Variants in TBC1D4 observed in about 807,000 individuals in gnomAD.
TBC1D4 encodes the protein TBC (Tre-2, BUB2, CDC16) domain-containing protein.
TBC1D4 carries 121 observed loss-of-function variants against 142.5 expected under a neutral mutation model. The observed-to-expected ratio is 0.85, with a 90% CI of 0.73 to 0.99. TBC1D4 has a LOEUF of 0.99. TBC1D4 is among the 50% of genes least tolerant of loss of function. The pLI, the probability that TBC1D4 is intolerant of heterozygous loss-of-function variation, is 0.00. For missense variants in TBC1D4, 1,475 were observed against 1,606.6 expected (o/e 0.92, Z 1.40); for synonymous variants, 630 against 628.2 (o/e 1.00, Z -0.04).
intron 1 of TBC1D4, among the ~76,000 whole-genome samples, chr13:75,428,794 T>G (rs1020637929): frequency 3.3e-5 from 5 of 152,214 alleles, no homozygotes; most frequent in African/African-American, 1.2e-4. Context: ...CAGGGCAGAT[T>G]GAGGGTGAAG....
chr13:75,285,589 C>G lies in TBC1D4; in HGVS notation c.*1203G>C, dbSNP rs564080844. 1.5e-4 allele frequency: 23 copies of G among 152,738 alleles called. No homozygotes were observed. The highest frequency in any genetic ancestry group is 5.5e-4 in the African/African-American group (23 of 41,572). 9.5% of individuals were successfully genotyped at this position (152,738 alleles called of 1,614,324 possible). On this transcript the variant is annotated 3_prime_UTR_variant, in exon 21 of 21. Coordinates refer to ENST00000377636, the MANE Select transcript of TBC1D4 (RefSeq NM_014832.5). Reference sequence around the variant, plus strand: ...AGTGAAGAGTTGAAATGCAGAATTGCAGGTTTTAGTTGAGCTGGTAACACT... The same window carrying G: ...AGTGAAGAGTTGAAATGCAGAATTGGAGGTTTTAGTTGAGCTGGTAACACT...
chr13:75,339,471 T>C (rs1371845093), intron 7 of TBC1D4, among the ~76,000 whole-genome samples: 2 of 152,046 alleles, frequency 1.3e-5, no homozygotes, highest in Non-Finnish European at 2.9e-5. Context: ...CTGCCTATCA[T>C]CCCAGCCTTG....
chr13:75,327,057 C>T (rs1431084949), intron 9 of TBC1D4, among the ~76,000 whole-genome samples: 1 of 152,090 alleles, frequency 6.6e-6, no homozygotes, highest in Non-Finnish European at 1.5e-5. Context: ...GAAAACCGAG[C>T]TATGCTGGAA....
chr13:75,357,956 A>G (rs1479875167), intron 3 of TBC1D4, among the ~76,000 whole-genome samples: 1 of 152,080 alleles, frequency 6.6e-6, no homozygotes, highest in Non-Finnish European at 1.5e-5. Context: ...AAGAAATTGT[A>G]TCTGAACTTC....
intron 1 of TBC1D4, among the ~76,000 whole-genome samples, chr13:75,408,385 G>A (rs1885441763): frequency 6.6e-6 from 1 of 151,856 alleles, no homozygotes; most frequent in Non-Finnish European, 1.5e-5. Flanking sequence ...TCCATTTTTT[G>A]GCTATTACGA....
Position 75,286,055 on chromosome 13 carries a change from C to A in TBC1D4, c.*737G>T, listed in dbSNP as rs932317065. The A allele has an allele frequency of 1.3e-5, 2 of 152,630 alleles. No homozygotes were observed. Among genetic ancestry groups the A allele is most frequent in the Non-Finnish European group, 2.9e-5 (2 of 68,042 alleles). The allele number at this position is 152,630 out of a possible 1,614,324, so 9.5% of individuals were successfully genotyped here. Reference sequence around the variant, plus strand: ...GTCTAGTTTGCTAAAAAATTAGCAACATTCTCCTTTACCTTGAGCTGGGTA... The same window carrying A: ...GTCTAGTTTGCTAAAAAATTAGCAAAATTCTCCTTTACCTTGAGCTGGGTA... On this transcript the variant is annotated 3_prime_UTR_variant, in exon 21 of 21. Coordinates refer to ENST00000377636, the MANE Select transcript of TBC1D4 (RefSeq NM_014832.5).
intron 15 of TBC1D4, among the ~76,000 whole-genome samples, chr13:75,304,954 T>A (rs747210923): frequency 1.3e-4 from 20 of 152,152 alleles, no homozygotes; most frequent in Non-Finnish European, 2.6e-4. Flanking sequence ...AGAACAATGG[T>A]ATGGTTTGGC....
chr13:75,313,209 T>C (rs1256645483), intron 12 of TBC1D4, among the ~76,000 whole-genome samples: 4 of 152,244 alleles, frequency 2.6e-5, no homozygotes, highest in Non-Finnish European at 5.9e-5. Context: ...GCTTAAGTCA[T>C]GAATTCATGC....
At chr13:75,315,597 G>A (rs1878255111) in intron 12 of TBC1D4, among the ~76,000 whole-genome samples, 1 of 151,914 alleles carries the variant, frequency 6.6e-6, no homozygotes, top group South Asian at 2.1e-4. Context: ...GCAGTTATTT[G>A]CTAAATGCCC....
intron 8 of TBC1D4, among the ~76,000 whole-genome samples, chr13:75,328,847 A>G (rs959438393): frequency 1.3e-5 from 2 of 152,186 alleles, no homozygotes; most frequent in African/African-American, 4.8e-5. Flanking sequence ...ATTTTTAATC[A>G]AAGTAATATC....
chr13:75,418,277 T>C (rs568009248), intron 1 of TBC1D4, among the ~76,000 whole-genome samples: 1 of 152,122 alleles, frequency 6.6e-6, no homozygotes, highest in Non-Finnish European at 1.5e-5. Context: ...TATTGGGAAA[T>C]AAGAATATAA....
At chr13:75,405,440 C>A (rs1401162848) in intron 1 of TBC1D4, among the ~76,000 whole-genome samples, 1 of 151,794 alleles carries the variant, frequency 6.6e-6, no homozygotes, top group Non-Finnish European at 1.5e-5. Context: ...CAGCTAATTT[C>A]TTTTGTATTT....
At chr13:75,305,583 G>T (rs1056305355) in intron 15 of TBC1D4, among the ~76,000 whole-genome samples, 1 of 152,184 alleles carries the variant, frequency 6.6e-6, no homozygotes, top group Non-Finnish European at 1.5e-5. Context: ...CTTAACTGTG[G>T]CTCAACAGTC....
At chr13:75,372,344 C>T (rs1447099425) in intron 1 of TBC1D4, among the ~76,000 whole-genome samples, 1 of 151,976 alleles carries the variant, frequency 6.6e-6, no homozygotes, top group South Asian at 2.1e-4. Flanking sequence ...TCTCAGCTCA[C>T]TGCAGGCCTC....
Position 75,288,953 on chromosome 13 carries a change from T to C in TBC1D4, c.3644A>G (p.Asp1215Gly), listed in dbSNP as rs771311543. The C allele has an allele frequency of 6.2e-7, 1 of 1,613,764 alleles. No homozygotes were observed. Among genetic ancestry groups the C allele is most frequent in the Non-Finnish European group, 8.5e-7 (1 of 1,179,826 alleles). ...CTTTACCTGTAATTTTTCTAGGAGG[T>C]CCATGTTTTGTCTTTTCAGTTGGCT... Reference protein sequence around the residue: ...ANSQLKRQNMDLLEKLQVAHT... With the variant: ...ANSQLKRQNMGLLEKLQVAHT... Residue 1215 changes from aspartate (D) to glycine (G), a missense_variant, in exon 20 of 21, where the codon GAC (aspartate) becomes GGC (glycine). By Grantham distance (94) the Asp-to-Gly change is moderately conservative (BLOSUM62 -1). This residue lies in a region of TBC1D4 where 248 missense variants were observed against 338.9 expected (regional missense o/e 0.73). Transcript: ENST00000377636.
In TBC1D4 at chr13:75,468,069, G is replaced by A. The variant is rs561664443; in HGVS notation, c.498+13201C>T. Among the ~76,000 whole-genome samples, 7 of 152,208 alleles carry A rather than the reference G, an allele frequency of 4.6e-5. No homozygotes were observed. In the South Asian group the frequency reaches 6.2e-4, roughly 14 times the overall value. ...AAACAACTCTTAGCCCTGCCCTGCC[G>A]ATTTGTTAAGAAAGGCCTTAAAAAG... On this transcript the variant is annotated intron_variant, in intron 1 of 20. Transcript: ENST00000377636.
chr13:75,393,499 T>C (rs1190688280), intron 1 of TBC1D4, among the ~76,000 whole-genome samples: 3 of 152,194 alleles, frequency 2.0e-5, no homozygotes, highest in Non-Finnish European at 2.9e-5. Flanking sequence ...TACCCACTCA[T>C]AGCCACTTGG....
chr13:75,386,548 C>T (rs540815490), intron 1 of TBC1D4, among the ~76,000 whole-genome samples: 32 of 152,022 alleles, frequency 2.1e-4, no homozygotes, highest in South Asian at 6.3e-4. Flanking sequence ...GCCACCAGAC[C>T]TGGCTAATTT....
intron 1 of TBC1D4, among the ~76,000 whole-genome samples, chr13:75,449,493 G>A (rs539527182): frequency 4.0e-5 from 6 of 151,286 alleles, no homozygotes; most frequent in East Asian, 1.9e-4. Flanking sequence ...TTTGGACCAC[G>A]CTTGACCACA....
Sources: gnomAD v4.1 joint callset for allele counts (sites outside exome capture counted in the v4.1 genomes callset) on GRCh38, gnomAD v4.1.1 for gene constraint, gnomAD v4.1.1 regional missense constraint, MANE v1.5 for transcripts, NCBI Gene and HGNC (gene_info 2026-07-23, HGNC 2026-07-21) for gene names.